Variants in CTNNA2 observed in about 807,000 individuals in gnomAD.
CTNNA2 encodes the protein catenin alpha 2.
CTNNA2 carries 42 observed loss-of-function variants against 101.0 expected under a neutral mutation model. That is an observed-to-expected ratio of 0.42 (90% CI 0.32 to 0.54). The LOEUF is 0.54. Among genes scored for constraint, CTNNA2 ranks in the 20% least tolerant of loss-of-function variants. The pLI, the probability that CTNNA2 is intolerant of heterozygous loss-of-function variation, is 0.14. For synonymous variants in CTNNA2, 450 were observed against 456.4 expected (o/e 0.99, Z 0.18); for missense variants, 871 against 1,223.1 (o/e 0.71, Z 4.29).
intron 3 of CTNNA2, among the ~76,000 whole-genome samples, chr2:79,794,149 TA>T (rs1427187277): frequency 6.7e-6 from 1 of 150,284 alleles, no homozygotes; most frequent in Non-Finnish European, 1.5e-5. Context: ...AAATAAAAAA[TA>T]AAAAAAGAAG....
chr2:79,998,361 A>T (rs917170330), intron 7 of CTNNA2, among the ~76,000 whole-genome samples: 5 of 152,214 alleles, frequency 3.3e-5, no homozygotes, highest in African/African-American at 1.2e-4. Context: ...GATAATTCTT[A>T]AATGATAGAC....
chr2:79,952,287 C>T (rs1055085026), intron 7 of CTNNA2, among the ~76,000 whole-genome samples: 2 of 152,140 alleles, frequency 1.3e-5, no homozygotes, highest in Non-Finnish European at 2.9e-5. Context: ...CAAGCCACCC[C>T]ACACCGTGCC....
intron 7 of CTNNA2, among the ~76,000 whole-genome samples, chr2:80,352,929 A>T (rs1046981242): frequency 6.6e-6 from 1 of 151,850 alleles, no homozygotes; most frequent in Non-Finnish European, 1.5e-5. Flanking sequence ...AAAAAAAAAA[A>T]TAAAGATTCC....
chr2:80,000,327 G>A (rs1361921283), intron 7 of CTNNA2, among the ~76,000 whole-genome samples: 1 of 152,144 alleles, frequency 6.6e-6, no homozygotes, highest in Non-Finnish European at 1.5e-5. Context: ...GGCATGAAAT[G>A]AGTATTTGCA....
At chr2:79,904,243 G>A (rs1047727444) in intron 6 of CTNNA2, among the ~76,000 whole-genome samples, 3 of 152,048 alleles carry the variant, frequency 2.0e-5, no homozygotes, top group African/African-American at 7.2e-5. Context: ...ACAATTGGTT[G>A]TACATATTTT....
intron 2 of CTNNA2, among the ~76,000 whole-genome samples, chr2:79,239,576 C>T (rs1176210238): frequency 6.6e-6 from 1 of 152,072 alleles, no homozygotes; most frequent in Non-Finnish European, 1.5e-5. Context: ...AAGTGTAAAA[C>T]CCAAACGTAT....
intron 2 of CTNNA2, among the ~76,000 whole-genome samples, chr2:79,712,674 G>A (rs1685818645): frequency 6.6e-6 from 1 of 152,068 alleles, no homozygotes; most frequent in Non-Finnish European, 1.5e-5. Context: ...TTATAGTCAG[G>A]TAAAGCAGCT....
chr2:80,269,459 G>T (rs117457702), intron 7 of CTNNA2, among the ~76,000 whole-genome samples: 1 of 152,022 alleles, frequency 6.6e-6, no homozygotes, highest in African/African-American at 2.4e-5. Context: ...TGTAAGTCTC[G>T]GGTATATCCT....
intron 1 of CTNNA2, among the ~76,000 whole-genome samples, chr2:79,636,439 G>A (rs944154195): frequency 1.3e-5 from 2 of 151,998 alleles, no homozygotes; most frequent in African/African-American, 4.8e-5. Context: ...AAGGGCATGG[G>A]TCTAGAAGAA....
chr2:80,347,166 C>T (rs1672815944), intron 7 of CTNNA2, among the ~76,000 whole-genome samples: 1 of 152,150 alleles, frequency 6.6e-6, no homozygotes, highest in African/African-American at 2.4e-5. Context: ...GCGCTCTGCC[C>T]CTACTAGGCT....
chr2:79,246,017 A>T (rs78625350), intron 2 of CTNNA2, among the ~76,000 whole-genome samples: 1 of 152,188 alleles, frequency 6.6e-6, no homozygotes, highest in Non-Finnish European at 1.5e-5. Flanking sequence ...AGCATCCATC[A>T]TTATGCTGAA....
intron 7 of CTNNA2, among the ~76,000 whole-genome samples, chr2:79,968,425 C>A (rs62139980): frequency 0.012 from 1,893 of 152,154 alleles, 22 homozygotes; most frequent in Non-Finnish European, 0.018. Context: ...GCTATGAACC[C>A]AGGAATCAGC....
chr2:80,060,800 C>T (rs900305721), intron 7 of CTNNA2, among the ~76,000 whole-genome samples: 1 of 152,186 alleles, frequency 6.6e-6, no homozygotes, highest in Admixed American at 6.5e-5. Flanking sequence ...CCAAGGCACT[C>T]ACCCACCAGC....
At chr2:79,222,745 A>G (rs1394313065) in intron 2 of CTNNA2, among the ~76,000 whole-genome samples, 2 of 151,852 alleles carry the variant, frequency 1.3e-5, no homozygotes, top group Non-Finnish European at 2.9e-5. Context: ...CCTATAATTC[A>G]TAAGTTGACA....
Position 79,969,844 on chromosome 2 carries a change from C to A in CTNNA2, c.1056+60047C>A, listed in dbSNP as rs892395459. ...CAATTCTGTTCAAGGTATTGTTTGG[C>A]TTTGTGGTTTCTAAGATATATTCCA... On this transcript the variant is annotated intron_variant, in intron 7 of 18. Transcript: ENST00000402739. Among the ~76,000 whole-genome samples, 3 of 152,080 alleles carry A rather than the reference C, an allele frequency of 2.0e-5. No homozygotes were observed. The East Asian group carries it at 5.8e-4, about 29-fold the overall frequency.
chr2:79,955,377 G>A (rs1482331122), intron 7 of CTNNA2, among the ~76,000 whole-genome samples: 2 of 152,196 alleles, frequency 1.3e-5, no homozygotes, highest in East Asian at 3.9e-4. Flanking sequence ...TAAAAAGAAA[G>A]GGGGAGGATG....
At chr2:79,862,368 T>A (rs1033886786) in intron 4 of CTNNA2, among the ~76,000 whole-genome samples, 3 of 152,170 alleles carry the variant, frequency 2.0e-5, no homozygotes, top group African/African-American at 7.2e-5. Context: ...TAACATTAAC[T>A]GTGACTTTGT....
At position 79,882,860 on chromosome 2, in the gene CTNNA2, G is replaced by A. The variant is rs559352354; in HGVS notation, c.852+8518G>A. Among the ~76,000 whole-genome samples, 17 of 152,308 alleles carry A rather than the reference G, an allele frequency of 1.1e-4. 1 individual carries two copies. The East Asian group carries it at 2.9e-3, about 26-fold the overall frequency. ...GTTTGCAAGTGGCGTCTTCCGATCC[G>A]TGGGTTGCACATTTCCATGAAAAAA... On this transcript the variant is annotated intron_variant, in intron 6 of 18. Coordinates refer to ENST00000402739, the MANE Select transcript of CTNNA2 (RefSeq NM_001282597.3).
At chr2:79,329,693 G>A (rs1397069671) in intron 3 of CTNNA2, among the ~76,000 whole-genome samples, 1 of 152,094 alleles carries the variant, frequency 6.6e-6, no homozygotes, top group East Asian at 1.9e-4. Flanking sequence ...TTCCTTCCTG[G>A]AGGATGTCTC....
Sources: allele counts gnomAD v4.1 joint callset (sites outside exome capture counted in the v4.1 genomes callset), GRCh38; gene constraint gnomAD v4.1.1; transcripts MANE v1.5; gene names NCBI Gene and HGNC (gene_info 2026-07-23, HGNC 2026-07-21).